Variants in FHIT observed in about 807,000 individuals in gnomAD.
FHIT encodes the protein bis(5'-adenosyl)-triphosphatase.
A neutral mutation model predicts 17.9 loss-of-function variants in FHIT; 19 were observed. The ratio of observed to expected loss-of-function variants is 1.06; its 90% CI spans 0.74 to 1.56. FHIT has a LOEUF of 1.56. Ranked by LOEUF, FHIT falls within the 40% of genes most tolerant of loss-of-function variation. FHIT has a pLI of 0.00. For missense variants in FHIT, 248 were observed against 189.2 expected (o/e 1.31, Z -1.82); for synonymous variants, 81 against 69.7 (o/e 1.16, Z -0.81).
intron 4 of FHIT, among the ~76,000 whole-genome samples, chr3:60,631,545 A>T (rs1553682423): frequency 6.6e-6 from 1 of 152,192 alleles, no homozygotes; most frequent in Non-Finnish European, 1.5e-5. Context: ...ATCCCCTAGA[A>T]CAAGAGGAAA....
intron 8 of FHIT, among the ~76,000 whole-genome samples, chr3:59,763,353 A>G (rs1701625552): frequency 6.6e-6 from 1 of 152,228 alleles, no homozygotes; most frequent in Non-Finnish European, 1.5e-5. Flanking sequence ...AGCACACAGC[A>G]CGCAACCAAT....
At chr3:60,200,495 A>G (rs1702848432) in intron 5 of FHIT, among the ~76,000 whole-genome samples, 1 of 152,160 alleles carries the variant, frequency 6.6e-6, no homozygotes, top group South Asian at 2.1e-4. Flanking sequence ...CTTTTAGAGA[A>G]TGTAATTTTG....
intron 5 of FHIT, among the ~76,000 whole-genome samples, chr3:60,020,874 G>C (rs17061825): frequency 1.3e-5 from 2 of 152,122 alleles, no homozygotes; most frequent in African/African-American, 4.8e-5. Context: ...CACAACGTAA[G>C]CACTTTGATG....
At chr3:59,985,790 C>A (rs553790337) in intron 7 of FHIT, among the ~76,000 whole-genome samples, 1 of 152,122 alleles carries the variant, frequency 6.6e-6, no homozygotes, top group Non-Finnish European at 1.5e-5. Context: ...CACTTTCACA[C>A]TGAGCCTAGG....
intron 1 of FHIT, among the ~76,000 whole-genome samples, chr3:61,202,906 C>T (rs753181864): frequency 6.6e-6 from 1 of 151,982 alleles, no homozygotes; most frequent in African/African-American, 2.4e-5. Context: ...ACAGGCCGGG[C>T]GCGGTGGCTC....
intron 9 of FHIT, chr3:59,752,010 A>C: frequency 2.3e-6 from 1 of 435,050 alleles, no homozygotes; most frequent in Non-Finnish European, 4.1e-6. Flanking sequence ...TTGGAAGAAG[A>C]GAGTGAAGAG....
rs1285265754 is a variant in FHIT at position 60,162,689 on chromosome 3, CAATTAATATGA to C, written c.104-148548_104-148538del. On this transcript the variant is annotated intron_variant, in intron 5 of 9. Transcript: ENST00000492590. ...TAGATGAGAAACTCGCTAGCAATCA[CAATTAATATGA>C]GGAGAAGTTAAAATTGGAACCCATG... is the stretch of plus-strand genomic sequence containing the variant. Among the ~76,000 whole-genome samples, 4 of 152,276 alleles carry C rather than the reference CAATTAATATGA, an allele frequency of 2.6e-5. No individual in the cohort carries two copies. In the East Asian group the frequency reaches 7.7e-4, roughly 29 times the overall value.
chr3:60,661,983 A>G (rs1243592835), intron 4 of FHIT, among the ~76,000 whole-genome samples: 3 of 151,592 alleles, frequency 2.0e-5, no homozygotes, highest in Non-Finnish European at 2.9e-5. Flanking sequence ...AATGGTGAAG[A>G]TTTTCTCCCA....
chr3:60,305,753 C>T (rs1351637745), intron 5 of FHIT, among the ~76,000 whole-genome samples: 1 of 152,036 alleles, frequency 6.6e-6, no homozygotes, highest in African/African-American at 2.4e-5. Context: ...AATAGACTGT[C>T]GATTTGTTTT....
intron 3 of FHIT, among the ~76,000 whole-genome samples, chr3:61,040,988 T>G (rs1192683832): frequency 2.6e-5 from 4 of 152,130 alleles, no homozygotes; most frequent in Non-Finnish European, 4.4e-5. Context: ...CTTCCTCCCC[T>G]AGGACATCCC....
chr3:60,380,358 C>G (rs1700747148), intron 5 of FHIT, among the ~76,000 whole-genome samples: 1 of 152,196 alleles, frequency 6.6e-6, no homozygotes, highest in Admixed American at 6.5e-5. Context: ...TAAGTTTCCT[C>G]TGGCCTCTGC....
intron 3 of FHIT, among the ~76,000 whole-genome samples, chr3:61,029,047 C>T (rs1217425243): frequency 1.3e-5 from 2 of 152,152 alleles, no homozygotes; most frequent in Non-Finnish European, 2.9e-5. Context: ...CAAATATACA[C>T]TCATTCCTCA....
intron 4 of FHIT, among the ~76,000 whole-genome samples, chr3:60,672,000 TATG>T (rs2040517034): frequency 6.6e-6 from 1 of 152,186 alleles, no homozygotes; most frequent in Non-Finnish European, 1.5e-5. Context: ...CCTTTATCAT[TATG>T]ATATGTCCCT....
At chr3:60,946,024 G>C (rs1460034451) in intron 3 of FHIT, among the ~76,000 whole-genome samples, 2 of 152,188 alleles carry the variant, frequency 1.3e-5, no homozygotes, top group Non-Finnish European at 2.9e-5. Context: ...AGTTTTGCCA[G>C]ATAAGAATGA....
intron 8 of FHIT, among the ~76,000 whole-genome samples, chr3:59,794,448 A>G (rs780962034): frequency 1.8e-4 from 28 of 152,166 alleles, no homozygotes; most frequent in Non-Finnish European, 3.8e-4. Context: ...GCTACTTTTC[A>G]TTTGCTATGG....
At chr3:59,823,669 A>G (rs1700875405) in intron 8 of FHIT, among the ~76,000 whole-genome samples, 2 of 152,218 alleles carry the variant, frequency 1.3e-5, no homozygotes, top group Admixed American at 6.5e-5. Context: ...TAAAACCCTC[A>G]GCAAAATCGG....
At chr3:60,594,019 A>C (rs1456312360) in intron 4 of FHIT, among the ~76,000 whole-genome samples, 2 of 152,144 alleles carry the variant, frequency 1.3e-5, no homozygotes. Context: ...CTTCTCTGAA[A>C]GCCAGAGCTG....
At chr3:60,368,246 C>T (rs1390122720) in intron 5 of FHIT, among the ~76,000 whole-genome samples, 1 of 149,608 alleles carries the variant, frequency 6.7e-6, no homozygotes, top group East Asian at 1.9e-4. Flanking sequence ...AGTGATTGTA[C>T]CATTTCATAC....
intron 8 of FHIT, among the ~76,000 whole-genome samples, chr3:59,850,794 T>A (rs1342366063): frequency 6.6e-6 from 1 of 152,170 alleles, no homozygotes; most frequent in Non-Finnish European, 1.5e-5. Flanking sequence ...GCAAGAGTCT[T>A]TCTGCATTTG....
Sources: gnomAD v4.1 joint callset for allele counts (sites outside exome capture counted in the v4.1 genomes callset) on GRCh38, gnomAD v4.1.1 for gene constraint, MANE v1.5 for transcripts, NCBI Gene and HGNC (gene_info 2026-07-23, HGNC 2026-07-21) for gene names.